Variants in CXCL13 observed in about 807,000 individuals in gnomAD.
CXCL13 encodes the protein C-X-C motif chemokine 13.
In CXCL13, 7 loss-of-function variants were observed where a neutral mutation model predicts 12.2. The ratio of observed to expected loss-of-function variants is 0.57; its 90% CI spans 0.33 to 1.07. The LOEUF (loss-of-function observed/expected upper bound fraction) is 1.07, where lower values mean the gene tolerates loss of function less well. Ranked by LOEUF, CXCL13 falls within the 50% of genes least tolerant of loss-of-function variation. The probability of loss-of-function intolerance (pLI) is 0.04; values close to 1 mark genes in which losing one functional copy is unlikely to be tolerated. For synonymous variants in CXCL13, 47 were observed against 42.4 expected (o/e 1.11, Z -0.42); for missense variants, 113 against 127.4 (o/e 0.89, Z 0.55).
chr4:77,574,499 G>A (rs1726160347), intron 1 of CXCL13, among the ~76,000 whole-genome samples: 1 of 151,864 alleles, frequency 6.6e-6, no homozygotes. Context: ...GTAATAGCTA[G>A]GTAGAACATA....
chr4:77,592,958 A>C (rs1726651568), intron 1 of CXCL13, among the ~76,000 whole-genome samples: 1 of 152,198 alleles, frequency 6.6e-6, no homozygotes, highest in Admixed American at 6.5e-5. Context: ...ACTCCAACTT[A>C]AGTTGGAAGA....
At chr4:77,587,163 T>C (rs1195641737) in intron 1 of CXCL13, among the ~76,000 whole-genome samples, 3 of 152,164 alleles carry the variant, frequency 2.0e-5, no homozygotes, top group African/African-American at 7.2e-5. Flanking sequence ...CTGAACAATA[T>C]CCGGTAAGTC....
chr4:77,583,460 G>T (rs1396979455), intron 1 of CXCL13, among the ~76,000 whole-genome samples: 1 of 152,192 alleles, frequency 6.6e-6, no homozygotes, highest in African/African-American at 2.4e-5. Flanking sequence ...GAGAAGGAAA[G>T]AAAGGAGAGT....
chr4:77,574,107 G>T (rs1259714030), intron 1 of CXCL13, among the ~76,000 whole-genome samples: 2 of 151,900 alleles, frequency 1.3e-5, no homozygotes, highest in East Asian at 1.9e-4. Flanking sequence ...AGAGGCGTAT[G>T]GTTAAAAGTC....
chr4:77,586,185 G>A (rs1031060529), intron 1 of CXCL13, among the ~76,000 whole-genome samples: 1 of 151,744 alleles, frequency 6.6e-6, no homozygotes, highest in African/African-American at 2.4e-5. Context: ...GCATAACCTC[G>A]TTTGAAGTTA....
At chr4:77,609,699 T>C (rs975192617) in intron 2 of CXCL13, among the ~76,000 whole-genome samples, 6 of 152,198 alleles carry the variant, frequency 3.9e-5, no homozygotes, top group African/African-American at 1.4e-4. Context: ...TCTCCCAGTT[T>C]TCTGCTGTCT....
intron 1 of CXCL13, among the ~76,000 whole-genome samples, chr4:77,561,475 A>G (rs1032972848): frequency 1.3e-5 from 2 of 152,216 alleles, no homozygotes; most frequent in African/African-American, 2.4e-5. Context: ...TGAAGGTGCT[A>G]TTTCTGTTTA....
chr4:77,576,331 C>T (rs1248587889), intron 1 of CXCL13, among the ~76,000 whole-genome samples: 3 of 152,138 alleles, frequency 2.0e-5, no homozygotes, highest in African/African-American at 7.2e-5. Context: ...CTATTTATGG[C>T]CTTTAATAAT....
chr4:77,517,534 T>C (rs1724458428), intron 1 of CXCL13, among the ~76,000 whole-genome samples: 2 of 152,260 alleles, frequency 1.3e-5, no homozygotes, highest in Admixed American at 6.5e-5. Flanking sequence ...GTTCTTCTTG[T>C]TGAATTGATC....
chr4:77,606,285 G>A (rs1727002397), intron 1 of CXCL13, among the ~76,000 whole-genome samples: 1 of 152,134 alleles, frequency 6.6e-6, no homozygotes, highest in South Asian at 2.1e-4. Context: ...ACCCTATACA[G>A]GGTTTAAAGA....
chr4:77,526,653 C>T (rs903657531), intron 1 of CXCL13, among the ~76,000 whole-genome samples: 1 of 152,050 alleles, frequency 6.6e-6, no homozygotes, highest in Non-Finnish European at 1.5e-5. Flanking sequence ...AAACAAGGTC[C>T]CTGGCCTCAT....
At chr4:77,521,016 T>A (rs895364928) in intron 1 of CXCL13, among the ~76,000 whole-genome samples, 11 of 152,168 alleles carry the variant, frequency 7.2e-5, no homozygotes, top group African/African-American at 2.4e-4. Flanking sequence ...TGATGGATTA[T>A]GTTTATTGAT....
chr4:77,531,741 G>T (rs1311481694), intron 1 of CXCL13, among the ~76,000 whole-genome samples: 2 of 152,154 alleles, frequency 1.3e-5, no homozygotes, highest in South Asian at 2.1e-4. Context: ...TGTATTGGGT[G>T]AATATATATT....
chr4:77,512,557 T>C (rs1194875914), intron 1 of CXCL13, among the ~76,000 whole-genome samples: 1 of 152,162 alleles, frequency 6.6e-6, no homozygotes, highest in Non-Finnish European at 1.5e-5. Context: ...TAGGGCCTTT[T>C]CTCTGTGTGT....
chr4:77,536,693 G>A (rs1463038622), intron 1 of CXCL13, among the ~76,000 whole-genome samples: 2 of 152,174 alleles, frequency 1.3e-5, no homozygotes, highest in East Asian at 1.9e-4. Flanking sequence ...AAGGTGCAAA[G>A]TGTGGCAAAG....
intron 1 of CXCL13, among the ~76,000 whole-genome samples, chr4:77,554,737 A>T (rs1190027411): frequency 6.6e-6 from 1 of 152,134 alleles, no homozygotes; most frequent in Non-Finnish European, 1.5e-5. Flanking sequence ...AAAACAATAT[A>T]GACTGTGTCC....
intron 1 of CXCL13, among the ~76,000 whole-genome samples, chr4:77,578,986 G>T (rs1726255576): frequency 6.6e-6 from 1 of 152,188 alleles, no homozygotes. Context: ...GGTGCATTTT[G>T]AACTTCCTTC....
chr4:77,582,137 T>C (rs1560532571), intron 1 of CXCL13, among the ~76,000 whole-genome samples: 1 of 152,200 alleles, frequency 6.6e-6, no homozygotes, highest in Admixed American at 6.5e-5. Flanking sequence ...GATTTTCTCT[T>C]GTTTTTCCCA....
intron 1 of CXCL13, among the ~76,000 whole-genome samples, chr4:77,600,417 G>C (rs964820773): frequency 6.6e-6 from 1 of 152,104 alleles, no homozygotes; most frequent in Non-Finnish European, 1.5e-5. Context: ...TTGCATAAGG[G>C]TTCTCTTGCT....
Sources: allele counts gnomAD v4.1 joint callset (sites outside exome capture counted in the v4.1 genomes callset), GRCh38; gene constraint gnomAD v4.1.1; transcripts MANE v1.5; gene names NCBI Gene and HGNC (gene_info 2026-07-23, HGNC 2026-07-21).